HIGD1A: variants seen among roughly 807,000 people sequenced by gnomAD.
HIGD1A encodes the protein HIG1 hypoxia inducible domain family member 1A.
A neutral mutation model predicts 11.3 loss-of-function variants in HIGD1A; 8 were observed. The observed-to-expected ratio is 0.71, with a 90% CI of 0.42 to 1.28. HIGD1A has a LOEUF of 1.28. Among genes scored for constraint, HIGD1A ranks in the 50% most tolerant of loss-of-function variants. The pLI, the probability that HIGD1A is intolerant of heterozygous loss-of-function variation, is 0.01. For missense variants in HIGD1A, 107 were observed against 118.8 expected (o/e 0.90, Z 0.46); for synonymous variants, 32 against 38.4 (o/e 0.83, Z 0.62).
rs147062284 is a variant in HIGD1A at position 42,783,106 on chromosome 3, T to C, written c.*2165A>G. ...CAGCTGACCAAGAGATTAATGGGAA[T>C]GTTTTGAGTTTCAAATACATTTAAA... On this transcript the variant is annotated 3_prime_UTR_variant, in exon 4 of 4. Coordinates refer to ENST00000321331, the MANE Select transcript of HIGD1A (RefSeq NM_014056.4). Among the ~76,000 whole-genome samples, 321 of 152,336 alleles carry C rather than the reference T, an allele frequency of 2.1e-3. 1 individual carries two copies. Among genetic ancestry groups the C allele is most frequent in the African/African-American group, 7.3e-3 (304 of 41,574 alleles).
At position 42,785,444 on chromosome 3, in the gene HIGD1A, A is replaced by C. The variant is rs922761979; in HGVS notation, c.233-124T>G. On this transcript the variant is annotated intron_variant, in intron 3 of 3. Coordinates refer to ENST00000321331, the MANE Select transcript of HIGD1A (RefSeq NM_014056.4). ...GCATGGAATATTTACAAGGGGAATA[A>C]GACCCTAGGAAGCTTATACTCTTGC... 10 of 718,362 alleles carry C rather than the reference A, an allele frequency of 1.4e-5. No homozygotes were observed. In the African/African-American group the frequency reaches 1.8e-4, roughly 13 times the overall value. The allele number at this position is 718,362 out of a possible 1,614,324, so 44.5% of individuals were successfully genotyped here.
intron 1 of HIGD1A, among the ~76,000 whole-genome samples, chr3:42,797,082 CCGAGTGCCTGCGATTGCAGGCA>C (rs1286482149): frequency 3.0e-4 from 1 of 3,282 alleles, no homozygotes; most frequent in Admixed American, 7.9e-3. Context: ...CCTCAGCCTG[CCGAGTGCCTGCGATTGCAGGCA>C]CGCGCCGCCA....
intron 2 of HIGD1A, among the ~76,000 whole-genome samples, chr3:42,793,388 T>C (rs1168575058): frequency 6.6e-6 from 1 of 152,188 alleles, no homozygotes; most frequent in Non-Finnish European, 1.5e-5. Flanking sequence ...CTTCCCTAGA[T>C]GGCAAGACTT....
Position 42,784,135 on chromosome 3 carries a change from G to C in HIGD1A, c.*1136C>G, listed in dbSNP as rs2125922947. 6.7e-6 allele frequency among the ~76,000 whole-genome samples: 1 copy of C among 148,738 alleles called. No homozygotes were observed. The highest frequency in any genetic ancestry group is 2.1e-4 in the South Asian group (1 of 4,718). On this transcript the variant is annotated 3_prime_UTR_variant, in exon 4 of 4. Transcript: ENST00000321331. ...ATAGAACAAAAATTACCCACAAAAG[G>C]AAAAAAAATAAAACATACCATAAAG...
At chr3:42,789,098 T>G (rs1295014961) in intron 2 of HIGD1A, among the ~76,000 whole-genome samples, 1 of 138,244 alleles carries the variant, frequency 7.2e-6, no homozygotes, top group Non-Finnish European at 1.5e-5. Context: ...TGGAGTGCAG[T>G]GGTGCAATCT....
intron 1 of HIGD1A, chr3:42,804,132 T>C: frequency 1.3e-6 from 2 of 1,598,804 alleles, no homozygotes; most frequent in South Asian, 2.2e-5. Context: ...CGTCTCTCAT[T>C]ACCACCCCAT....
chr3:42,795,928 G>A (rs1700492290), intron 1 of HIGD1A, among the ~76,000 whole-genome samples: 1 of 152,194 alleles, frequency 6.6e-6, no homozygotes, highest in Non-Finnish European at 1.5e-5. Flanking sequence ...ATAAGGGCCT[G>A]AAGCATAGTG....
chr3:42,788,201 C>T (rs534486208), intron 2 of HIGD1A, among the ~76,000 whole-genome samples: 11 of 152,156 alleles, frequency 7.2e-5, no homozygotes, highest in African/African-American at 1.2e-4. Flanking sequence ...AATAAACATA[C>T]GACATTAGGA....
Position 42,783,399 on chromosome 3 carries a change from C to T in HIGD1A, c.*1872G>A, listed in dbSNP as rs181141803. On this transcript the variant is annotated 3_prime_UTR_variant, in exon 4 of 4. Coordinates refer to ENST00000321331, the MANE Select transcript of HIGD1A (RefSeq NM_014056.4). Reference sequence around the variant, plus strand: ...CTTTGGGAGGCTGAGGCAGATAGATCTCTTGAAGCCAGGAGTTCAAGATCA... The same window carrying T: ...CTTTGGGAGGCTGAGGCAGATAGATTTCTTGAAGCCAGGAGTTCAAGATCA... Among the ~76,000 whole-genome samples the T allele has an allele frequency of 1.3e-5, 2 of 151,900 alleles. No individual in the cohort carries two copies. The highest frequency in any genetic ancestry group is 4.8e-5 in the African/African-American group (2 of 41,416).
In HIGD1A at chr3:42,785,288, C is replaced by T. The variant is rs1034830945; in HGVS notation, c.265G>A (p.Ala89Thr). 5 of 1,610,598 alleles carry T rather than the reference C, an allele frequency of 3.1e-6. No homozygotes were observed. Among genetic ancestry groups the T allele is most frequent in the African/African-American group, 2.7e-5 (2 of 74,794 alleles). ...CTCTTCTTCTAAGGCTTAGGTTTTG[C>T]CCAGAATTCCCGATACATGGAATAG... ...MGYSMYREFW[A>T]KPKP Residue 89 changes from alanine to threonine, a missense_variant, in exon 4 of 4, where the codon GCA (alanine) becomes ACA (threonine). Ala to Thr is a moderately conservative substitution (Grantham distance 58, BLOSUM62 0). Transcript: ENST00000321331.
At chr3:42,788,031 T>A (rs916941903) in intron 2 of HIGD1A, among the ~76,000 whole-genome samples, 4 of 151,364 alleles carry the variant, frequency 2.6e-5, no homozygotes, top group African/African-American at 9.7e-5. Context: ...TACCCCCACC[T>A]CTAACCACTG....
chr3:42,799,659 T>A (rs977502526), intron 1 of HIGD1A, among the ~76,000 whole-genome samples: 1 of 152,072 alleles, frequency 6.6e-6, no homozygotes, highest in Non-Finnish European at 1.5e-5. Context: ...TTTTGCCATG[T>A]TGGCCAGCCT....
intron 1 of HIGD1A, among the ~76,000 whole-genome samples, chr3:42,802,004 G>A (rs930016736): frequency 3.3e-5 from 5 of 152,092 alleles, no homozygotes; most frequent in African/African-American, 7.2e-5. Context: ...CACTCCAGCC[G>A]GGGCAACAGG....
chr3:42,783,502 C>G lies in HIGD1A; in HGVS notation c.*1769G>C, dbSNP rs371181580. Reference sequence around the variant, plus strand: ...TGGTGGCGCATGCCTGTAATCCCAGCTACTCGGAAGGTTGAAGCATCAGAA... The same window carrying G: ...TGGTGGCGCATGCCTGTAATCCCAGGTACTCGGAAGGTTGAAGCATCAGAA... On this transcript the variant is annotated 3_prime_UTR_variant, in exon 4 of 4. Coordinates refer to ENST00000321331, the MANE Select transcript of HIGD1A (RefSeq NM_014056.4). 2.0e-5 allele frequency among the ~76,000 whole-genome samples: 3 copies of G among 151,998 alleles called. No homozygotes were observed. The highest frequency in any genetic ancestry group is 7.2e-5 in the African/African-American group (3 of 41,384).
intron 1 of HIGD1A, among the ~76,000 whole-genome samples, chr3:42,795,621 T>A (rs1700486533): frequency 6.6e-6 from 1 of 151,948 alleles, no homozygotes; most frequent in Non-Finnish European, 1.5e-5. Context: ...ATACCTTATA[T>A]CCCCTAGGCT....
rs547810626 is a variant in HIGD1A, at chr3:42,799,344, G to A, written c.-22-5069C>T. Among the ~76,000 whole-genome samples, 4 of 151,022 alleles carry A rather than the reference G, an allele frequency of 2.6e-5. No individual in the cohort carries two copies. In the South Asian group the frequency reaches 8.5e-4, roughly 32 times the overall value. On this transcript the variant is annotated intron_variant, in intron 1 of 3. Transcript: ENST00000321331. ...AGAATCTTATAACTTCCAGCTGCAC[G>A]ACTCCTAAACCATAATTTCTAATCT...
At position 42,784,070 on chromosome 3, in the gene HIGD1A, C is replaced by A. The variant is rs977571361; in HGVS notation, c.*1201G>T. On this transcript the variant is annotated 3_prime_UTR_variant, in exon 4 of 4. Transcript: ENST00000321331. ...CAGCCAAGATGACAGAGAATAACTCCGTCTCAAAAAAAAAAAAAAAAAATT... is the reference window on the plus strand; with the variant it reads ...CAGCCAAGATGACAGAGAATAACTCAGTCTCAAAAAAAAAAAAAAAAAATT... Among the ~76,000 whole-genome samples the A allele has an allele frequency of 1.4e-5, 1 of 71,308 alleles. No individual in the cohort carries two copies. The allele number at this position is 71,308 out of a possible 152,430, so 46.8% of individuals were successfully genotyped here. A position where few individuals can be genotyped will look rare whatever the true frequency, so the allele number is the denominator to read the frequency against.
In HIGD1A at chr3:42,785,252, C is replaced by G. The variant is rs370956652; in HGVS notation, c.*19G>C. ...CTAAAGCAAGCTCCTCCAACAAGACCAAGACAGCATCTCTTCTTCTAAGGC... is the reference window on the plus strand; with the variant it reads ...CTAAAGCAAGCTCCTCCAACAAGACGAAGACAGCATCTCTTCTTCTAAGGC... On this transcript the variant is annotated 3_prime_UTR_variant, in exon 4 of 4. Transcript: ENST00000321331. 2 of 1,603,332 alleles carry G rather than the reference C, an allele frequency of 1.2e-6. No individual in the cohort carries two copies. The highest frequency in any genetic ancestry group is 1.7e-6 in the Non-Finnish European group (2 of 1,173,348).
Position 42,784,031 on chromosome 3 carries a change from G to C in HIGD1A, c.*1240C>G, listed in dbSNP as rs144392185. Among the ~76,000 whole-genome samples the C allele has an allele frequency of 1.3e-5, 2 of 148,240 alleles. No individual in the cohort carries two copies. Among genetic ancestry groups the C allele is most frequent in the Non-Finnish European group, 3.0e-5 (2 of 67,684 alleles). ...ATGGAAGTTGCAGTGAGCCAAGATC[G>C]TGCCACTGCACGCCAGCCAAGATGA... is the stretch of plus-strand genomic sequence containing the variant. On this transcript the variant is annotated 3_prime_UTR_variant, in exon 4 of 4. Coordinates refer to ENST00000321331, the MANE Select transcript of HIGD1A (RefSeq NM_014056.4).
Sources: gnomAD v4.1 joint callset for allele counts (sites outside exome capture counted in the v4.1 genomes callset) on GRCh38, gnomAD v4.1.1 for gene constraint, MANE v1.5 for transcripts, NCBI Gene and HGNC (gene_info 2026-07-23, HGNC 2026-07-21) for gene names.